CWC25: variants seen among roughly 807,000 people sequenced by gnomAD.
CWC25 encodes pre-mRNA-splicing factor CWC25 homolog.
CWC25 carries 31 observed loss-of-function variants against 54.6 expected under a neutral mutation model. The ratio of observed to expected loss-of-function variants is 0.57; its 90% CI spans 0.43 to 0.77. The LOEUF (loss-of-function observed/expected upper bound fraction) is 0.77. Among genes scored for constraint, CWC25 ranks in the 30% least tolerant of loss-of-function variants. The probability of loss-of-function intolerance (pLI) is 0.00; values close to 1 mark genes in which losing one functional copy is unlikely to be tolerated. For synonymous variants in CWC25, 151 were observed against 187.0 expected, an observed-to-expected ratio of 0.81 and a Z score of 1.57; for missense variants, 453 against 529.3, an observed-to-expected ratio of 0.86 and a Z score of 1.41.
chr17:38,807,040 G>C, intron 6 of CWC25, 64 bp from the exon 7 acceptor site: 1 of 1,388,674 alleles, frequency 7.2e-7, no homozygotes, highest in Non-Finnish European at 1.0e-6. Flanking sequence ...GAGAAAACGC[G>C]GCCGGGCTCA....
intron 2 of CWC25, among the ~76,000 whole-genome samples, chr17:38,820,643 T>C (rs1567675988): frequency 6.6e-6 from 1 of 152,208 alleles, no homozygotes; most frequent in Non-Finnish European, 1.5e-5. Flanking sequence ...TCCTTACGTG[T>C]TATCTCATTT....
At chr17:38,806,460 C>A in intron 7 of CWC25, 65 bp from the exon 8 acceptor site, 1 of 1,310,824 alleles carries the variant, frequency 7.6e-7, no homozygotes, top group East Asian at 2.4e-5. Flanking sequence ...CACTGAATCC[C>A]TCAAACAATG....
rs1054089975 is a variant in CWC25, at chr17:38,825,228, G to A, written c.-45C>T. On this transcript the variant is annotated 5_prime_UTR_variant, in exon 1 of 10. Coordinates refer to ENST00000614790, the MANE Select transcript of CWC25 (RefSeq NM_017748.5). Reference sequence around the variant, plus strand: ...CACTACGCGGATCTGGAAGATTTCGGGAGGATCAAGAGAAAACGTAGAGAA... The same window carrying A: ...CACTACGCGGATCTGGAAGATTTCGAGAGGATCAAGAGAAAACGTAGAGAA... The A allele has an allele frequency of 6.4e-7, 1 of 1,572,136 alleles. No individual in the cohort carries two copies.
At chr17:38,822,338 C>T (rs1911958030) in intron 1 of CWC25, among the ~76,000 whole-genome samples, 2 of 152,180 alleles carry the variant, frequency 1.3e-5, no homozygotes, top group South Asian at 4.1e-4. Flanking sequence ...GCTGGGATTA[C>T]AGGCATGAGC....
At chr17:38,812,890 A>G (rs1911547440) in intron 3 of CWC25, 26 bp from the exon 4 acceptor site, 2 of 1,293,920 alleles carry the variant, frequency 1.5e-6, no homozygotes, top group South Asian at 1.3e-5. Flanking sequence ...TACAAAATTC[A>G]TGACTATTTC....
chr17:38,814,314 C>T (rs1486962917), intron 3 of CWC25, among the ~76,000 whole-genome samples: 1 of 150,060 alleles, frequency 6.7e-6, no homozygotes, highest in Middle Eastern at 3.2e-3. Context: ...GACGGAGTCT[C>T]GCTCTGTCGC....
intron 1 of CWC25, among the ~76,000 whole-genome samples, chr17:38,821,669 T>C (rs577418635): frequency 1.3e-5 from 2 of 152,214 alleles, no homozygotes; most frequent in East Asian, 1.9e-4. Flanking sequence ...CCACTAGCCA[T>C]ACCTAAATCA....
rs1911549131 is a variant in CWC25, at chr17:38,812,907, C to T, written c.429-43G>A. On this transcript the variant is annotated intron_variant, in intron 3 of 9. Coordinates refer to ENST00000614790, the MANE Select transcript of CWC25 (RefSeq NM_017748.5). Reference sequence around the variant, plus strand: ...CAAAATTCATGACTATTTCTTTTCTCCAAATTCTATGGAGTAACCTTTTCT... The same window carrying T: ...CAAAATTCATGACTATTTCTTTTCTTCAAATTCTATGGAGTAACCTTTTCT... 5 of 1,151,054 alleles carry T rather than the reference C, an allele frequency of 4.3e-6. No individual in the cohort carries two copies. In the African/African-American group the frequency reaches 4.6e-5, roughly 11 times the overall value. The allele number at this position is 1,151,054 out of a possible 1,614,324, so 71.3% of individuals were successfully genotyped here. A position where few individuals can be genotyped will look rare whatever the true frequency, so the allele number is the denominator to read the frequency against.
chr17:38,801,967 G>T lies in CWC25; in HGVS notation c.*125C>A, dbSNP rs1448793789. ...GCTGTTTCAGGACTCAATGAAGCAGGGTCACTTTGAACACTGGTGGTTTGA... is the reference window on the plus strand; with the variant it reads ...GCTGTTTCAGGACTCAATGAAGCAGTGTCACTTTGAACACTGGTGGTTTGA... On this transcript the variant is annotated 3_prime_UTR_variant, in exon 10 of 10. Transcript: ENST00000614790. The T allele has an allele frequency of 1.7e-6, 1 of 596,240 alleles. No individual in the cohort carries two copies. Among genetic ancestry groups the T allele is most frequent in the Non-Finnish European group, 3.0e-6 (1 of 335,960 alleles). 36.9% of individuals were successfully genotyped at this position (596,240 alleles called of 1,614,324 possible).
chr17:38,806,075 C>A (rs1035600218), intron 8 of CWC25, among the ~76,000 whole-genome samples: 3 of 152,156 alleles, frequency 2.0e-5, no homozygotes, highest in African/African-American at 7.2e-5. Flanking sequence ...GCCTCCCAAA[C>A]TGCTGTGATT....
intron 4 of CWC25, among the ~76,000 whole-genome samples, chr17:38,810,975 A>C (rs148220885): frequency 6.7e-6 from 1 of 148,730 alleles, no homozygotes; most frequent in Non-Finnish European, 1.5e-5. Flanking sequence ...TCACGCCTGT[A>C]ATCTCTCAGC....
At chr17:38,825,133 A>G in intron 1 of CWC25, 33 bp downstream of exon 1, 1 of 1,426,782 alleles carries the variant, frequency 7.0e-7, no homozygotes, top group Non-Finnish European at 9.2e-7. Context: ...TCCCGGCCTC[A>G]GTCCTCCCCC....
At chr17:38,804,434 C>A (rs779349549) in intron 8 of CWC25, among the ~76,000 whole-genome samples, 1 of 152,036 alleles carries the variant, frequency 6.6e-6, no homozygotes, top group African/African-American at 2.4e-5. Context: ...CTTTGGGAGG[C>A]CAAGGCAGGT....
intron 4 of CWC25, among the ~76,000 whole-genome samples, chr17:38,811,343 C>T (rs534518512): frequency 6.6e-6 from 1 of 151,942 alleles, no homozygotes; most frequent in East Asian, 1.9e-4. Flanking sequence ...ACCATCCTGG[C>T]TAACACGGTG....
In CWC25 at chr17:38,801,093, G is replaced by GT. The variant is rs3834560; in HGVS notation, c.*998dup. The GT allele has an allele frequency of 0.1, 15,362 of 146,832 alleles. 2,121 individuals are homozygous for GT. Among genetic ancestry groups the GT allele is most frequent in the African/African-American group, 0.32 (13,047 of 40,276 alleles). The allele number at this position is 146,832 out of a possible 1,614,324, so 9.1% of individuals were successfully genotyped here. A position where few individuals can be genotyped will look rare whatever the true frequency, so the allele number is the denominator to read the frequency against. ...AGCCACCGCGCCCAGCCTGTTTTTT[G>GT]TTTTTTTTTTAGTACCTGACTGAAA... On this transcript the variant is annotated 3_prime_UTR_variant, in exon 10 of 10. Coordinates refer to ENST00000614790, the MANE Select transcript of CWC25 (RefSeq NM_017748.5).
At chr17:38,810,887 C>A (rs1399152172) in intron 4 of CWC25, among the ~76,000 whole-genome samples, 1 of 130,878 alleles carries the variant, frequency 7.6e-6, no homozygotes, top group African/African-American at 3.0e-5. Flanking sequence ...TGCCACTGCA[C>A]TTCAGCCTGG....
At chr17:38,809,787 A>T (rs763914692) in intron 5 of CWC25, 22 bp from the exon 6 acceptor site, 2 of 1,607,168 alleles carry the variant, frequency 1.2e-6, no homozygotes, top group African/African-American at 2.7e-5. Context: ...AAATACACAC[A>T]CTCATTGAAA....
intron 2 of CWC25, chr17:38,815,862 G>A (rs1598075342): frequency 3.3e-6 from 1 of 304,514 alleles, no homozygotes; most frequent in Non-Finnish European, 6.5e-6. Flanking sequence ...AGACACCAGC[G>A]GTAACACTAC....
In CWC25 at chr17:38,810,498, G is replaced by C. The variant is rs758709763; in HGVS notation, c.596C>G (p.Ser199Cys). 2.5e-6 allele frequency: 4 copies of C among 1,605,374 alleles called. No homozygotes were observed. The highest frequency in any genetic ancestry group is 3.4e-6 in the Non-Finnish European group (4 of 1,176,044). ...HKHRSSSSDR[S>C]SSEDEHSAGR... is the part of the protein sequence containing the mutation. ...TGCACTGTGCTCATCCTCGCTGCTG[G>C]AACGATCACTACTCGAGCTTCTGTG... Residue 199 changes from serine (S) to cysteine (C), a missense_variant, in exon 5 of 10, where the codon TCC becomes TGC. Transcript: ENST00000614790.
Sources: gnomAD v4.1 joint callset for allele counts (sites outside exome capture counted in the v4.1 genomes callset) on GRCh38, gnomAD v4.1.1 for gene constraint, MANE v1.5 for transcripts, NCBI Gene and HGNC (gene_info 2026-07-23, HGNC 2026-07-21) for gene names.